Variants in FHOD3 observed in about 807,000 individuals in gnomAD.
FHOD3 encodes the protein formin homology 2 domain containing 3.
Under a neutral mutation model 173.0 loss-of-function variants are expected in FHOD3, and 90 were observed. The observed-to-expected ratio is 0.52, with a 90% confidence interval of 0.44 to 0.62. The LOEUF is 0.62. Among genes scored for constraint, FHOD3 ranks in the 20% least tolerant of loss-of-function variants. The pLI, the probability that FHOD3 is intolerant of heterozygous loss-of-function variation, is 0.00. For synonymous variants in FHOD3, 828 were observed against 823.0 expected (o/e 1.01, Z -0.10); for missense variants, 1,945 against 2,034.7 (o/e 0.96, Z 0.85).
At chr18:36,733,953 G>A (rs890587610) in intron 20 of FHOD3, among the ~76,000 whole-genome samples, 2 of 152,158 alleles carry the variant, frequency 1.3e-5, no homozygotes, top group East Asian at 1.9e-4. Flanking sequence ...TGCAGGCTGC[G>A]GTTTTGTGGG....
intron 17 of FHOD3, among the ~76,000 whole-genome samples, chr18:36,704,397 C>T (rs531037131): frequency 6.6e-6 from 1 of 152,194 alleles, no homozygotes; most frequent in African/African-American, 2.4e-5. Context: ...TCCAAATGCA[C>T]GCCCACTGCT....
chr18:36,482,955 A>G (rs904683187), intron 3 of FHOD3, among the ~76,000 whole-genome samples: 6 of 152,044 alleles, frequency 3.9e-5, no homozygotes, highest in Non-Finnish European at 5.9e-5. Flanking sequence ...GCAGTTAAAA[A>G]TGATAGCCAA....
chr18:36,476,457 G>A (rs2053580772), intron 3 of FHOD3, among the ~76,000 whole-genome samples: 2 of 152,346 alleles, frequency 1.3e-5, no homozygotes, highest in African/African-American at 4.8e-5. Context: ...GGCAGGCAGG[G>A]CAGCAGAGTG....
chr18:36,725,379 G>A (rs1398308585), intron 19 of FHOD3, among the ~76,000 whole-genome samples: 1 of 152,180 alleles, frequency 6.6e-6, no homozygotes, highest in Non-Finnish European at 1.5e-5. Context: ...CTAACAGCAG[G>A]CACTCAGGAA....
intron 14 of FHOD3, among the ~76,000 whole-genome samples, chr18:36,661,470 C>T (rs186306588): frequency 1.4e-3 from 207 of 152,240 alleles, no homozygotes; most frequent in Admixed American, 5.0e-3. Flanking sequence ...TGAGGATGCG[C>T]GTCTTCTGTG....
At chr18:36,487,880 G>T (rs2054269510) in intron 3 of FHOD3, among the ~76,000 whole-genome samples, 1 of 152,124 alleles carries the variant, frequency 6.6e-6, no homozygotes, top group Non-Finnish European at 1.5e-5. Flanking sequence ...GGCCACGGAG[G>T]ATCCACACAC....
Position 36,334,084 on chromosome 18 carries a change from C to A in FHOD3, c.166-21455C>A, listed in dbSNP as rs111619437. Among the ~76,000 whole-genome samples the A allele has an allele frequency of 7.4e-3, 1,130 of 152,250 alleles. 10 individuals are homozygous for A. The highest frequency in any genetic ancestry group is 0.026 in the African/African-American group (1,081 of 41,530). ...TCTCTGACCTCTGTTGAGTGTGGTC[C>A]CCCCACATCAGCAGCACTGGGCTCT... On this transcript the variant is annotated intron_variant, in intron 1 of 28. Coordinates refer to ENST00000590592, the MANE Select transcript of FHOD3 (RefSeq NM_001281740.3).
intron 1 of FHOD3, among the ~76,000 whole-genome samples, chr18:36,340,532 A>G (rs1381124717): frequency 1.3e-5 from 2 of 149,246 alleles, no homozygotes. Flanking sequence ...CCAGTTGACC[A>G]TGTTCTACTT....
At chr18:36,423,793 A>C (rs2050108974) in intron 3 of FHOD3, among the ~76,000 whole-genome samples, 2 of 152,264 alleles carry the variant, frequency 1.3e-5, no homozygotes, top group African/African-American at 4.8e-5. Flanking sequence ...ACAGTGGTAT[A>C]GAATAACATA....
intron 22 of FHOD3, 35 bp downstream of exon 22, chr18:36,742,891 C>G (rs372708672): frequency 7.3e-5 from 116 of 1,593,390 alleles, no homozygotes; most frequent in Middle Eastern, 5.0e-4. Context: ...TGTAGCCCCC[C>G]CTTGTCACAA....
chr18:36,685,779 A>G (rs2149439354), intron 15 of FHOD3, among the ~76,000 whole-genome samples: 1 of 152,386 alleles, frequency 6.6e-6, no homozygotes, highest in South Asian at 2.1e-4. Context: ...TCTCCAAGAA[A>G]GTAAACAGTC....
At chr18:36,509,169 A>T (rs1425194939) in intron 4 of FHOD3, among the ~76,000 whole-genome samples, 1 of 152,122 alleles carries the variant, frequency 6.6e-6, no homozygotes, top group African/African-American at 2.4e-5. Context: ...AAAAGAAAAA[A>T]ACTCTTTGAA....
At chr18:36,626,456 T>C (rs2034115558) in intron 10 of FHOD3, among the ~76,000 whole-genome samples, 1 of 152,210 alleles carries the variant, frequency 6.6e-6, no homozygotes, top group Non-Finnish European at 1.5e-5. Context: ...TGACAAAATC[T>C]GCCAAACCCA....
intron 3 of FHOD3, among the ~76,000 whole-genome samples, chr18:36,475,502 G>GGT (rs2053516118): frequency 6.6e-6 from 1 of 151,434 alleles, no homozygotes; most frequent in Non-Finnish European, 1.5e-5. Flanking sequence ...TGGGAGGTGG[G>GGT]GTGTGGTGGT....
chr18:36,398,404 A>T (rs2048651277), intron 3 of FHOD3, among the ~76,000 whole-genome samples: 1 of 152,148 alleles, frequency 6.6e-6, no homozygotes, highest in Non-Finnish European at 1.5e-5. Flanking sequence ...TGTGGTAATA[A>T]GCTGCTTTCA....
At chr18:36,695,218 G>A (rs140435483) in intron 17 of FHOD3, among the ~76,000 whole-genome samples, 1,633 of 152,038 alleles carry the variant, frequency 0.011, 24 homozygotes, top group African/African-American at 0.037. Flanking sequence ...CGGGCGTGGT[G>A]GCGCATGCCT....
At chr18:36,640,288 G>A (rs1199892624) in intron 10 of FHOD3, among the ~76,000 whole-genome samples, 1 of 152,182 alleles carries the variant, frequency 6.6e-6, no homozygotes, top group African/African-American at 2.4e-5. Flanking sequence ...ATCTTTTGCA[G>A]AAACTTTAAA....
intron 1 of FHOD3, among the ~76,000 whole-genome samples, chr18:36,315,322 C>T (rs1051934991): frequency 6.6e-6 from 1 of 152,174 alleles, no homozygotes; most frequent in Non-Finnish European, 1.5e-5. Context: ...ACCTCAGTCT[C>T]TCTTCATTTC....
At chr18:36,564,933 C>T (rs2147754625) in intron 5 of FHOD3, among the ~76,000 whole-genome samples, 1 of 152,292 alleles carries the variant, frequency 6.6e-6, no homozygotes, top group East Asian at 1.9e-4. Context: ...GCAAGGGACT[C>T]AAAACTTTGA....
Sources: allele counts gnomAD v4.1 joint callset (sites outside exome capture counted in the v4.1 genomes callset), GRCh38; gene constraint gnomAD v4.1.1; transcripts MANE v1.5; gene names NCBI Gene and HGNC (gene_info 2026-07-23, HGNC 2026-07-21).